Variants in TNKS observed in about 807,000 individuals in gnomAD.
The protein encoded by TNKS is tankyrase.
A neutral mutation model predicts 135.8 loss-of-function variants in TNKS; 72 were observed. The observed-to-expected ratio is 0.53, with a 90% CI of 0.44 to 0.64. The LOEUF (loss-of-function observed/expected upper bound fraction) is 0.64. TNKS is among the 30% of genes least tolerant of loss of function. The pLI, the probability that TNKS is intolerant of heterozygous loss-of-function variation, is 0.00. For missense variants in TNKS, 1,769 were observed against 1,674.0 expected, an observed-to-expected ratio of 1.06 and a Z score of -0.99; for synonymous variants, 849 against 649.3, an observed-to-expected ratio of 1.31 and a Z score of -4.68.
chr8:9,556,297 C>T lies in TNKS; in HGVS notation c.358C>T (p.Pro120Ser), dbSNP rs531198224. 19 of 1,614,278 alleles carry T rather than the reference C, an allele frequency of 1.2e-5. No homozygotes were observed. In the East Asian group the frequency reaches 2.9e-4, roughly 25 times the overall value. Residue 120 changes from proline (P) to serine (S), a missense_variant, in exon 1 of 27, where the codon CCA (proline) becomes TCA (serine). Coordinates refer to ENST00000310430, the MANE Select transcript of TNKS (RefSeq NM_003747.3). ...TSSAAGVAPN[P>S]AGSGSNNSPS... ...ATCTGCCGCTGGGGTCGCTCCCAAC[C>T]CAGCCGGCAGTGGCAGTAACAATTC...
intron 3 of TNKS, among the ~76,000 whole-genome samples, chr8:9,669,889 ATAT>A (rs549739008): frequency 8.6e-4 from 131 of 152,352 alleles, no homozygotes; most frequent in African/African-American, 3.1e-3. Context: ...ATTTTGCTAA[ATAT>A]TATATCTAAA....
chr8:9,721,929 T>A (rs1156610117), intron 12 of TNKS, among the ~76,000 whole-genome samples: 1 of 151,862 alleles, frequency 6.6e-6, no homozygotes, highest in Non-Finnish European at 1.5e-5. Context: ...GGTGCGTGCC[T>A]GTAATTCCAG....
At chr8:9,663,793 A>G (rs1801848813) in intron 3 of TNKS, among the ~76,000 whole-genome samples, 1 of 152,224 alleles carries the variant, frequency 6.6e-6, no homozygotes, top group Non-Finnish European at 1.5e-5. Flanking sequence ...GAGGAGGTAC[A>G]TAGGGCAAGG....
At position 9,677,073 on chromosome 8, in the gene TNKS, T is replaced by C. The variant is rs1802572609; in HGVS notation, c.995-2878T>C. Among the ~76,000 whole-genome samples the C allele has an allele frequency of 2.0e-5, 3 of 152,100 alleles. No homozygotes were observed. The South Asian group carries it at 6.2e-4, about 32-fold the overall frequency. On this transcript the variant is annotated intron_variant, in intron 3 of 26. Coordinates refer to ENST00000310430, the MANE Select transcript of TNKS (RefSeq NM_003747.3). ...AAGTAGCTCAGATTTGTTATCAGAG[T>C]GTGAGGGGCTCTAAATTCATTATGT...
rs765055388 is a variant in TNKS at position 9,763,217 on chromosome 8, T to TA, written c.3348dup (p.Glu1117ArgfsTer21). On this transcript the variant is annotated frameshift_variant, in exon 22 of 27. Coordinates refer to ENST00000310430, the MANE Select transcript of TNKS (RefSeq NM_003747.3). LOFTEE classifies it high-confidence loss of function. ...TTTTGCTGGATCTTGCTCCAGAAGATAAAGAATATCAGTCAGTGGAAGAAG... is the reference window on the plus strand; with the variant it reads ...TTTTGCTGGATCTTGCTCCAGAAGATAAAAGAATATCAGTCAGTGGAAGAAG... 6.2e-7 allele frequency: 1 copy of TA among 1,608,112 alleles called. No individual in the cohort carries two copies. The highest frequency in any genetic ancestry group is 1.3e-5 in the African/African-American group (1 of 74,954).
intron 17 of TNKS, among the ~76,000 whole-genome samples, chr8:9,746,917 C>G (rs1198579428): frequency 8.0e-6 from 1 of 125,196 alleles, no homozygotes; most frequent in Non-Finnish European, 1.6e-5. Context: ...GAGCCTTGCT[C>G]TGGTAACCAG....
chr8:9,746,097 C>T (rs1402264126), intron 17 of TNKS, among the ~76,000 whole-genome samples: 2 of 152,052 alleles, frequency 1.3e-5, no homozygotes, highest in East Asian at 3.9e-4. Context: ...AATTTATTTT[C>T]AATAGATGAT....
chr8:9,606,067 T>C (rs1799205511), intron 2 of TNKS, among the ~76,000 whole-genome samples: 1 of 151,760 alleles, frequency 6.6e-6, no homozygotes, highest in African/African-American at 2.4e-5. Flanking sequence ...TTTTATTAAG[T>C]CTTTTTTATG....
intron 3 of TNKS, chr8:9,658,305 TCGGGCCCCG>T (rs1391040225): frequency 2.0e-6 from 1 of 505,192 alleles, no homozygotes; most frequent in African/African-American, 2.1e-5. Context: ...CTCCTTGCCC[TCGGGCCCCG>T]CGGGGCCCGT....
intron 3 of TNKS, among the ~76,000 whole-genome samples, chr8:9,674,384 GTTGT>G (rs1802443964): frequency 6.6e-6 from 1 of 152,060 alleles, no homozygotes; most frequent in Admixed American, 6.5e-5. Flanking sequence ...TAATGAAGTA[GTTGT>G]TTGGTGTTCA....
intron 14 of TNKS, among the ~76,000 whole-genome samples, chr8:9,732,132 T>C (rs1805477151): frequency 6.6e-6 from 1 of 152,230 alleles, no homozygotes; most frequent in Non-Finnish European, 1.5e-5. Context: ...TGTTTATTCT[T>C]CTTTTTTGCT....
chr8:9,603,225 T>C (rs1799086087), intron 2 of TNKS, among the ~76,000 whole-genome samples: 1 of 152,076 alleles, frequency 6.6e-6, no homozygotes, highest in African/African-American at 2.4e-5. Flanking sequence ...GCTACTTTTT[T>C]TATTTTGGGT....
At chr8:9,717,088 TA>T (rs1452431627) in intron 11 of TNKS, among the ~76,000 whole-genome samples, 4 of 126,416 alleles carry the variant, frequency 3.2e-5, no homozygotes, top group African/African-American at 1.1e-4. Flanking sequence ...TATATATATA[TA>T]TATATATATA....
At chr8:9,682,442 T>C (rs562313370) in intron 5 of TNKS, among the ~76,000 whole-genome samples, 1 of 152,176 alleles carries the variant, frequency 6.6e-6, no homozygotes, top group Non-Finnish European at 1.5e-5. Flanking sequence ...CTTCATCTCC[T>C]ACACAAATGT....
chr8:9,634,722 A>G (rs28712425), intron 3 of TNKS, among the ~76,000 whole-genome samples: 1,770 of 152,304 alleles, frequency 0.012, 26 homozygotes, highest in African/African-American at 0.041. Flanking sequence ...ACCTAGAAGC[A>G]GTGAGACCCC....
chr8:9,689,483 A>G (rs1485562350), intron 5 of TNKS, among the ~76,000 whole-genome samples: 1 of 150,386 alleles, frequency 6.6e-6, no homozygotes, highest in Non-Finnish European at 1.5e-5. Context: ...AATGTTTTAT[A>G]TTTTGATTTT....
chr8:9,769,618 T>TTC (rs1188059436), intron 25 of TNKS, among the ~76,000 whole-genome samples: 1 of 134,232 alleles, frequency 7.4e-6, no homozygotes, highest in African/African-American at 3.0e-5. Context: ...TTTTCTTTTT[T>TTC]TTTTTTTTTT....
intron 1 of TNKS, among the ~76,000 whole-genome samples, chr8:9,562,169 A>C (rs1797363840): frequency 6.6e-6 from 1 of 151,770 alleles, no homozygotes; most frequent in Admixed American, 6.6e-5. Context: ...GGCACACTTC[A>C]GTTTTATTCA....
chr8:9,752,605 G>C lies in TNKS; in HGVS notation c.3132G>C (p.Arg1044=). The C allele has an allele frequency of 6.2e-7, 1 of 1,612,006 alleles. No individual in the cohort carries two copies. Among genetic ancestry groups the C allele is most frequent in the Non-Finnish European group, 8.5e-7 (1 of 1,178,724 alleles). Residue 1044 remains arginine, a synonymous_variant, in exon 20 of 27, where the codon CGG becomes CGC. Transcript: ENST00000310430. ...AAAGCCTTGGCCTTGAACACCTTCG[G>C]GATATCTTTGAAACAGAACAGGTAA... ...FLKSLGLEHL[R]DIFETEQITL...
Sources: gnomAD v4.1 joint callset for allele counts (sites outside exome capture counted in the v4.1 genomes callset) on GRCh38, gnomAD v4.1.1 for gene constraint, MANE v1.5 for transcripts, NCBI Gene and HGNC (gene_info 2026-07-23, HGNC 2026-07-21) for gene names.